ZNG1F: variants seen among roughly 807,000 people sequenced by gnomAD.
ZNG1F encodes zinc-regulated GTPase metalloprotein activator 1F.
chr9:41,173,827 G>A, the ZNG1F span, among the ~76,000 whole-genome samples: 1 of 145,248 alleles, frequency 6.9e-6, no homozygotes, highest in East Asian at 2.0e-4. Flanking sequence ...TATGAACAAA[G>A]ATTTCATCAT....
At chr9:41,150,266 G>C in the ZNG1F span, among the ~76,000 whole-genome samples, 1 of 149,700 alleles carries the variant, frequency 6.7e-6, no homozygotes, top group Non-Finnish European at 1.5e-5. Context: ...TTTTCTGACG[G>C]GCTTAAAAAA....
the ZNG1F span, among the ~76,000 whole-genome samples, chr9:41,146,213 C>G: frequency 6.9e-6 from 1 of 144,140 alleles, no homozygotes; most frequent in Non-Finnish European, 1.5e-5. Context: ...AAAAGTCATG[C>G]AATGGCCTTC....
At chr9:41,187,105 A>G in the ZNG1F span, among the ~76,000 whole-genome samples, 3 of 148,278 alleles carry the variant, frequency 2.0e-5, no homozygotes, top group Admixed American at 2.1e-4. Context: ...GAGAAGATTT[A>G]CTAGGGCTTT....
the ZNG1F span, chr9:41,132,174 C>T: frequency 8.8e-6 from 14 of 1,585,040 alleles, 1 homozygote; most frequent in South Asian, 3.4e-5. Flanking sequence ...CATGATATCC[C>T]TTTCAAATAT....
chr9:41,132,117 A>T, the ZNG1F span: 13 of 1,548,746 alleles, frequency 8.4e-6, 1 homozygote, highest in Non-Finnish European at 1.1e-5. Flanking sequence ...CCACAAGCTT[A>T]TTTAGTTTTA....
the ZNG1F span, among the ~76,000 whole-genome samples, chr9:41,193,054 G>A: frequency 6.9e-6 from 1 of 145,882 alleles, no homozygotes; most frequent in Admixed American, 7.1e-5. Flanking sequence ...ACTCTCCAAG[G>A]TAAATACTAT....
the ZNG1F span, among the ~76,000 whole-genome samples, chr9:41,204,416 A>C: frequency 7.6e-5 from 1 of 13,088 alleles, no homozygotes; most frequent in African/African-American, 1.4e-4. Context: ...ATATATATAT[A>C]TATATCTGTA....
the ZNG1F span, among the ~76,000 whole-genome samples, chr9:41,166,300 G>A: frequency 2.7e-3 from 330 of 124,390 alleles, no homozygotes; most frequent in African/African-American, 9.8e-3. Context: ...ATGGTGGCGG[G>A]TGCCTGTAAT....
the ZNG1F span, chr9:41,145,499 G>A: frequency 5.3e-6 from 3 of 570,802 alleles, no homozygotes; most frequent in Non-Finnish European, 5.9e-6. Context: ...AGAAAAGCTG[G>A]CAGATTAAGT....
the ZNG1F span, among the ~76,000 whole-genome samples, chr9:41,203,140 T>A: frequency 5.3e-5 from 8 of 151,714 alleles, no homozygotes; most frequent in African/African-American, 2.0e-4. Context: ...AGGAGGCACA[T>A]GACATCCACC....
At chr9:41,152,121 G>C in the ZNG1F span, among the ~76,000 whole-genome samples, 1 of 139,216 alleles carries the variant, frequency 7.2e-6, no homozygotes. Context: ...CACGTGCAGA[G>C]ACACACATAG....
the ZNG1F span, among the ~76,000 whole-genome samples, chr9:41,154,665 CA>C: frequency 1.4e-5 from 2 of 147,908 alleles, no homozygotes; most frequent in Non-Finnish European, 3.0e-5. Flanking sequence ...AGATATAGAT[CA>C]ATGGAACAGA....
At chr9:41,204,388 T>TTATATATA in the ZNG1F span, among the ~76,000 whole-genome samples, 15 of 20,216 alleles carry the variant, frequency 7.4e-4, no homozygotes, top group East Asian at 2.8e-3. Flanking sequence ...AATTTTTATT[T>TTATATATA]TATATATATA....
chr9:41,149,979 C>T, the ZNG1F span, among the ~76,000 whole-genome samples: 6 of 126,976 alleles, frequency 4.7e-5, no homozygotes, highest in Admixed American at 1.7e-4. Flanking sequence ...CCAAGATGGC[C>T]GAATAGGAAC....
the ZNG1F span, chr9:41,132,068 T>A: frequency 6.6e-7 from 1 of 1,520,352 alleles, no homozygotes; most frequent in Non-Finnish European, 8.8e-7. Flanking sequence ...CCTAACAAGC[T>A]TTTACGAACA....
At chr9:41,164,818 G>A in the ZNG1F span, 6 of 417,474 alleles carry the variant, frequency 1.4e-5, no homozygotes, top group Admixed American at 9.0e-5. Flanking sequence ...GCAAGCACTG[G>A]GGACTAATTT....
At chr9:41,180,191 T>TTA in the ZNG1F span, among the ~76,000 whole-genome samples, 1 of 97,480 alleles carries the variant, frequency 1.0e-5, no homozygotes, top group Non-Finnish European at 2.1e-5. Context: ...TTTTTTTTTT[T>TTA]AAGAAATGGG....
At chr9:41,154,640 C>A in the ZNG1F span, among the ~76,000 whole-genome samples, 1 of 147,316 alleles carries the variant, frequency 6.8e-6, no homozygotes, top group Non-Finnish European at 1.5e-5. Flanking sequence ...CAGCATGGTA[C>A]TGGTACCAAA....
chr9:41,185,612 G>A, the ZNG1F span, among the ~76,000 whole-genome samples: 2 of 151,864 alleles, frequency 1.3e-5, no homozygotes, highest in African/African-American at 2.4e-5. Context: ...GACAGAGGTG[G>A]CAGTGAGCTG....
Sources: gnomAD v4.1 joint callset for allele counts (sites outside exome capture counted in the v4.1 genomes callset) on GRCh38, gnomAD v4.1.1 for gene constraint, MANE v1.5 for transcripts, NCBI Gene and HGNC (gene_info 2026-07-23, HGNC 2026-07-21) for gene names.